LRRC75A: variants seen among roughly 807,000 people sequenced by gnomAD.
The protein encoded by LRRC75A is leucine-rich repeat-containing protein 75A.
Under a neutral mutation model 26.0 loss-of-function variants are expected in LRRC75A, and 12 were observed. That is an observed-to-expected ratio of 0.46 (90% CI 0.30 to 0.75). The LOEUF (loss-of-function observed/expected upper bound fraction) is 0.75, where lower values mean the gene tolerates loss of function less well. Among genes scored for constraint, LRRC75A ranks in the 30% least tolerant of loss-of-function variants. The probability of loss-of-function intolerance (pLI) is 0.08; values close to 1 mark genes in which losing one functional copy is unlikely to be tolerated. For missense variants in LRRC75A, 410 were observed against 486.6 expected (o/e 0.84, Z 1.48); for synonymous variants, 223 against 219.3 (o/e 1.02, Z -0.15).
At chr17:16,463,476 A>G (rs145345569) in intron 1 of LRRC75A, among the ~76,000 whole-genome samples, 1 of 152,046 alleles carries the variant, frequency 6.6e-6, no homozygotes, top group Non-Finnish European at 1.5e-5. Context: ...CCTGGGGAAC[A>G]TGAGACATCC....
intron 2 of LRRC75A, among the ~76,000 whole-genome samples, chr17:16,456,321 GAAGAAGGAA>G (rs2093682924): frequency 1.8e-5 from 1 of 56,848 alleles, no homozygotes; most frequent in African/African-American, 8.6e-5. Context: ...AGGAAGAGGA[GAAGAAGGAA>G]GAGGAGGAGG....
At chr17:16,482,983 T>C (rs962675171) in intron 1 of LRRC75A, among the ~76,000 whole-genome samples, 53 of 151,504 alleles carry the variant, frequency 3.5e-4, no homozygotes, top group Non-Finnish European at 6.9e-4. Flanking sequence ...GAGGCTGGAG[T>C]GGGGACAGGC....
chr17:16,474,605 A>G (rs2093815156), intron 1 of LRRC75A, among the ~76,000 whole-genome samples: 1 of 151,912 alleles, frequency 6.6e-6, no homozygotes, highest in African/African-American at 2.4e-5. Flanking sequence ...TGCTTGGGAA[A>G]TTATCTGAAT....
At chr17:16,450,434 A>ACCCCAGCCCCCAG (rs2093622063) in intron 2 of LRRC75A, among the ~76,000 whole-genome samples, 16 of 151,308 alleles carry the variant, frequency 1.1e-4, no homozygotes, top group South Asian at 4.2e-4. Flanking sequence ...GCCCATCCCC[A>ACCCCAGCCCCCAG]CCCCTGCCCC....
chr17:16,490,275 A>G (rs1042927749), intron 1 of LRRC75A, among the ~76,000 whole-genome samples: 9 of 150,232 alleles, frequency 6.0e-5, no homozygotes, highest in African/African-American at 2.3e-4. Context: ...TGGTGTGTAA[A>G]TAGGATACCA....
At chr17:16,463,369 T>C (rs796717604) in intron 1 of LRRC75A, 5 of 152,492 alleles carry the variant, frequency 3.3e-5, no homozygotes, top group African/African-American at 1.2e-4. Context: ...CTGCCATCCT[T>C]GGGTATGAGC....
intron 2 of LRRC75A, among the ~76,000 whole-genome samples, chr17:16,458,362 T>C (rs2093701417): frequency 6.6e-6 from 1 of 152,146 alleles, no homozygotes. Context: ...GCTTCTATAT[T>C]ATCACCTGTT....
Position 16,443,984 on chromosome 17 carries a change from G to A in LRRC75A, c.639C>T (p.Gly213=). 1.2e-6 allele frequency: 2 copies of A among 1,613,776 alleles called. No individual in the cohort carries two copies. The highest frequency in any genetic ancestry group is 1.1e-5 in the South Asian group (1 of 91,078). ...GCTGCAGGACCATGTCGTCCGTGAG[G>A]CCTGTGAAGCCCAGCTCCACGCTGT... is the stretch of plus-strand genomic sequence containing the variant. ...QVDSVELGFT[G]LTDDMVLQLL... Residue 213 remains glycine, a synonymous_variant, in exon 4 of 4, where the codon GGC becomes GGT. Coordinates refer to ENST00000470794, the MANE Select transcript of LRRC75A (RefSeq NM_001113567.3).
chr17:16,447,868 C>T lies in LRRC75A; in HGVS notation c.468G>A (p.Leu156=). The change falls in exon 3 of 4, where the codon CTG becomes CTA. Residue 156 remains leucine (L), a synonymous_variant. Coordinates refer to ENST00000470794, the MANE Select transcript of LRRC75A (RefSeq NM_001113567.3). ...PHSQWRRHRG[L]VKRKPQACLK... ...ACCAGGCCTGTGGCTTCCTTTTCAC[C>T]AGCCCCCGGTGCCGCCTCCACTGGG... is the stretch of plus-strand genomic sequence containing the variant. 2 of 1,548,488 alleles carry T rather than the reference C, an allele frequency of 1.3e-6. No individual in the cohort carries two copies. Among genetic ancestry groups the T allele is most frequent in the Non-Finnish European group, 1.7e-6 (2 of 1,145,926 alleles).
At chr17:16,446,952 C>G (rs1402643033) in intron 3 of LRRC75A, 1 of 359,276 alleles carries the variant, frequency 2.8e-6, no homozygotes. Flanking sequence ...GGGGGCGGGT[C>G]CAGAACAGAA....
chr17:16,478,936 G>A (rs1185853275), intron 1 of LRRC75A, among the ~76,000 whole-genome samples: 1 of 152,244 alleles, frequency 6.6e-6, no homozygotes, highest in African/African-American at 2.4e-5. Context: ...CTGAAGAAGT[G>A]GAAGTTACTT....
At chr17:16,457,518 C>T (rs2093694644) in intron 2 of LRRC75A, among the ~76,000 whole-genome samples, 1 of 152,194 alleles carries the variant, frequency 6.6e-6, no homozygotes, top group Admixed American at 6.5e-5. Flanking sequence ...GTGCAGCCGC[C>T]GGCCTCCAAG....
intron 1 of LRRC75A, among the ~76,000 whole-genome samples, chr17:16,467,325 A>AT (rs1350899949): frequency 1.6e-4 from 24 of 151,738 alleles, no homozygotes; most frequent in Non-Finnish European, 2.8e-4. Flanking sequence ...AGCTGCTGTT[A>AT]TTTTTTTTAG....
chr17:16,451,942 T>C (rs1358351444), intron 2 of LRRC75A, among the ~76,000 whole-genome samples: 1 of 138,804 alleles, frequency 7.2e-6, no homozygotes, highest in Non-Finnish European at 1.6e-5. Flanking sequence ...AGACGGGGGG[T>C]CTCACTGTGT....
Position 16,485,631 on chromosome 17 carries a change from A to AGTGTGT in LRRC75A, c.246+6108_246+6113dup, listed in dbSNP as rs35125617. On this transcript the variant is annotated intron_variant, in intron 1 of 3. Transcript: ENST00000470794. Reference sequence around the variant, plus strand: ...ACAGCCAGGAGGAGCCAGGACAAGCAGTGTGTGTGTGTGTGTGTGTGTGTG... The same window carrying AGTGTGT: ...ACAGCCAGGAGGAGCCAGGACAAGCAGTGTGTGTGTGTGTGTGTGTGTGTGTGTGTG... Among the ~76,000 whole-genome samples, 954 of 128,466 alleles carry AGTGTGT rather than the reference A, an allele frequency of 7.4e-3. 13 individuals carry two copies. The highest frequency in any genetic ancestry group is 0.027 in the African/African-American group (839 of 31,640). The allele number at this position is 128,466 out of a possible 152,430, so 84.3% of individuals were successfully genotyped here.
At chr17:16,489,440 C>A (rs1426300196) in intron 1 of LRRC75A, among the ~76,000 whole-genome samples, 1 of 152,178 alleles carries the variant, frequency 6.6e-6, no homozygotes, top group East Asian at 1.9e-4. Context: ...TGGTCTGACC[C>A]CTGTGAGGCT....
chr17:16,456,255 G>T (rs2093680496), intron 2 of LRRC75A, among the ~76,000 whole-genome samples: 3 of 140,672 alleles, frequency 2.1e-5, no homozygotes, highest in African/African-American at 8.0e-5. Context: ...AGAAGGAAGA[G>T]GATCAGGAAG....
chr17:16,455,805 GCT>G (rs1181137781), intron 2 of LRRC75A, among the ~76,000 whole-genome samples: 1 of 152,224 alleles, frequency 6.6e-6, no homozygotes, highest in African/African-American at 2.4e-5. Context: ...AAGTCAGCCA[GCT>G]CTGAGGCTGA....
chr17:16,450,931 G>C (rs1359558404), intron 2 of LRRC75A, among the ~76,000 whole-genome samples: 1 of 152,128 alleles, frequency 6.6e-6, no homozygotes, highest in Admixed American at 6.5e-5. Flanking sequence ...AGAAGGCAAG[G>C]GGCTCAAGAC....
Sources: allele counts gnomAD v4.1 joint callset (sites outside exome capture counted in the v4.1 genomes callset), GRCh38; gene constraint gnomAD v4.1.1; transcripts MANE v1.5; gene names NCBI Gene and HGNC (gene_info 2026-07-23, HGNC 2026-07-21).